Variants in CUX2 observed in about 807,000 individuals in gnomAD.
CUX2 encodes the protein cut like homeobox 2, also known as homeobox protein cut-like 2.
CUX2 carries 40 observed loss-of-function variants against 144.8 expected under a neutral mutation model. That is an observed-to-expected ratio of 0.28 (90% CI 0.21 to 0.36). The LOEUF (loss-of-function observed/expected upper bound fraction) is 0.36, where lower values mean the gene tolerates loss of function less well. Ranked by LOEUF, CUX2 falls within the 10% of genes least tolerant of loss-of-function variation. CUX2 has a pLI of 1.00. For missense variants in CUX2, 1,615 were observed against 1,994.0 expected (o/e 0.81, Z 3.62); for synonymous variants, 827 against 875.6 (o/e 0.94, Z 0.98).
chr12:111,151,278 G>A (rs770009733), intron 1 of CUX2, among the ~76,000 whole-genome samples: 7 of 152,154 alleles, frequency 4.6e-5, no homozygotes, highest in East Asian at 1.9e-4. Flanking sequence ...GTTACCATGC[G>A]CTGTTATGAA....
At chr12:111,155,184 C>T (rs1318338971) in intron 1 of CUX2, among the ~76,000 whole-genome samples, 2 of 152,206 alleles carry the variant, frequency 1.3e-5, no homozygotes, top group Non-Finnish European at 2.9e-5. Flanking sequence ...CAGCTCTGTT[C>T]CTTACTGGCT....
chr12:111,347,562 A>C lies in CUX2; in HGVS notation c.3698A>C (p.Gln1233Pro). The change falls in exon 22 of 22, where the codon CAG (glutamine) becomes CCG (proline). Residue 1233 changes from glutamine to proline, a missense_variant. By Grantham distance (76) the Gln-to-Pro change is moderately conservative. Around this residue, in one of 12 missense-constraint regions of CUX2, gnomAD observed 298 missense variants for 330.4 expected, o/e 0.90. Transcript: ENST00000261726. ...MRREMLVEGT[Q>P]DEPDLDPSGG... ...CGGGAGATGTTGGTGGAGGGGACCCAGGATGAGCCAGACCTTGATCCAAGC... is the reference window on the plus strand; with the variant it reads ...CGGGAGATGTTGGTGGAGGGGACCCCGGATGAGCCAGACCTTGATCCAAGC... The C allele has an allele frequency of 6.2e-7, 1 of 1,610,198 alleles. No individual in the cohort carries two copies. The highest frequency in any genetic ancestry group is 8.5e-7 in the Non-Finnish European group (1 of 1,178,524).
At position 111,312,161 on chromosome 12, in the gene CUX2, T is replaced by C. The variant is rs1285862216; in HGVS notation, c.1962T>C (p.Ile654=). The C allele has an allele frequency of 1.2e-6, 2 of 1,611,768 alleles. No individual in the cohort carries two copies. The highest frequency in any genetic ancestry group is 8.5e-7 in the Non-Finnish European group (1 of 1,178,524). The change falls in exon 16 of 22, where the codon ATT becomes ATC. Residue 654 remains isoleucine (I), a synonymous_variant. Coordinates refer to ENST00000261726, the MANE Select transcript of CUX2 (RefSeq NM_015267.4). This position sits in a 1 kb window ranked among gnomAD's most constrained non-coding sequence, Gnocchi z 4.3. ...GCTCAGACGACGCCATCAAGAGCAT[T>C]CTAGAGCAGGCCAAGAAGGAGATCG... ...ETGSDDAIKS[I]LEQAKKEIES...
intron 1 of CUX2, among the ~76,000 whole-genome samples, chr12:111,062,686 T>C (rs1461225201): frequency 6.6e-6 from 1 of 152,192 alleles, no homozygotes; most frequent in African/African-American, 2.4e-5. Flanking sequence ...ATATTTGAAG[T>C]TGCAAGCCCA....
rs987237123 is a variant in CUX2 at position 111,160,436 on chromosome 12, G to C, written c.64-53764G>C. On this transcript the variant is annotated intron_variant, in intron 1 of 21. Transcript: ENST00000261726. This position sits in a 1 kb window ranked among gnomAD's most constrained non-coding sequence, Gnocchi z 4.1. Reference sequence around the variant, plus strand: ...TGTGTGTAGTGCAGGGTGTGTGTGAGTGTGTCTGAGCCTTCATCTCTGTGC... The same window carrying C: ...TGTGTGTAGTGCAGGGTGTGTGTGACTGTGTCTGAGCCTTCATCTCTGTGC... Among the ~76,000 whole-genome samples, 2 of 152,156 alleles carry C rather than the reference G, an allele frequency of 1.3e-5. No homozygotes were observed. Among genetic ancestry groups the C allele is most frequent in the African/African-American group, 2.4e-5 (1 of 41,414 alleles).
chr12:111,280,346 T>C (rs1209189824), intron 4 of CUX2, among the ~76,000 whole-genome samples: 1 of 152,098 alleles, frequency 6.6e-6, no homozygotes, highest in Non-Finnish European at 1.5e-5. Flanking sequence ...CAACGAAGGC[T>C]GAGATCGAAG....
At chr12:111,048,641 T>C (rs1870114456) in intron 1 of CUX2, among the ~76,000 whole-genome samples, 1 of 152,064 alleles carries the variant, frequency 6.6e-6, no homozygotes, top group South Asian at 2.1e-4. Context: ...GTGGTCTCTG[T>C]GGGCATTATT....
In CUX2 at chr12:111,312,173, CAAG is replaced by C. The variant is rs1886940618; in HGVS notation, c.1978_1980del (p.Lys660del). On this transcript the variant is annotated inframe_deletion, in exon 16 of 22. Transcript: ENST00000261726. This position sits in a 1 kb window ranked among gnomAD's most constrained non-coding sequence, Gnocchi z 4.3. Reference sequence around the variant, plus strand: ...CCATCAAGAGCATTCTAGAGCAGGCCAAGAAGGAGATCGAGTCGCAGAAGGGCG... The same window carrying C: ...CCATCAAGAGCATTCTAGAGCAGGCCAAGGAGATCGAGTCGCAGAAGGGCG... 1 of 1,611,062 alleles carries C rather than the reference CAAG, an allele frequency of 6.2e-7. No homozygotes were observed. The highest frequency in any genetic ancestry group is 8.5e-7 in the Non-Finnish European group (1 of 1,177,916).
chr12:111,190,694 G>A lies in CUX2; in HGVS notation c.64-23506G>A, dbSNP rs965681278. ...AGGTGGTTGGTCCCAGATGCGAGGA[G>A]CAAAGGCAAAAGAGAGGCAGGTGGG... On this transcript the variant is annotated intron_variant, in intron 1 of 21. Transcript: ENST00000261726. The surrounding 1 kb of genome is among the most constrained non-coding windows in gnomAD (Gnocchi z 4.0). Among the ~76,000 whole-genome samples, 2 of 152,244 alleles carry A rather than the reference G, an allele frequency of 1.3e-5. No homozygotes were observed. Among genetic ancestry groups the A allele is most frequent in the African/African-American group, 4.8e-5 (2 of 41,462 alleles).
chr12:111,350,337 T>C lies in CUX2; in HGVS notation c.*2012T>C, dbSNP rs897606316. On this transcript the variant is annotated 3_prime_UTR_variant, in exon 22 of 22. Coordinates refer to ENST00000261726, the MANE Select transcript of CUX2 (RefSeq NM_015267.4). ...TGGCTTTAGTGTGACGGGATTTGAT[T>C]AAGCACTTAGTATAGTCTTTTGAAC... is the stretch of plus-strand genomic sequence containing the variant. 2 of 152,570 alleles carry C rather than the reference T, an allele frequency of 1.3e-5. No homozygotes were observed. The allele number at this position is 152,570 out of a possible 1,614,324, so 9.5% of individuals were successfully genotyped here.
At chr12:111,299,067 G>A (rs542589135) in intron 9 of CUX2, among the ~76,000 whole-genome samples, 108 of 152,340 alleles carry the variant, frequency 7.1e-4, no homozygotes, top group Non-Finnish European at 3.2e-4. Context: ...CACAGCCAGG[G>A]GGCTCCAGCC....
At chr12:111,163,036 ACT>A (rs760682924) in intron 1 of CUX2, among the ~76,000 whole-genome samples, 15 of 143,930 alleles carry the variant, frequency 1.0e-4, no homozygotes, top group Non-Finnish European at 1.5e-4. Context: ...ACAGAGCAAG[ACT>A]CTGTCTCAAA....
At chr12:111,202,945 A>G (rs563114470) in intron 1 of CUX2, among the ~76,000 whole-genome samples, 1 of 152,244 alleles carries the variant, frequency 6.6e-6, no homozygotes, top group African/African-American at 2.4e-5. Flanking sequence ...TCAAGAATCA[A>G]TAAGGGCTGG....
At chr12:111,107,495 G>A (rs1022946998) in intron 1 of CUX2, among the ~76,000 whole-genome samples, 11 of 152,252 alleles carry the variant, frequency 7.2e-5, no homozygotes, top group Non-Finnish European at 1.6e-4. Context: ...GGAGTTCCGG[G>A]AGCTGCAGGT....
At chr12:111,095,809 C>A (rs1400209397) in intron 1 of CUX2, among the ~76,000 whole-genome samples, 2 of 152,350 alleles carry the variant, frequency 1.3e-5, no homozygotes, top group Non-Finnish European at 2.9e-5. Context: ...CTCACAGCCT[C>A]CATTTTGTCT....
chr12:111,133,498 CTCATGAGAGTTACTA>C (rs1279338930), intron 1 of CUX2, among the ~76,000 whole-genome samples: 2 of 152,154 alleles, frequency 1.3e-5, no homozygotes, highest in Admixed American at 1.3e-4. Flanking sequence ...CTCATCAGAT[CTCATGAGAGTTACTA>C]TCATGAGAAC....
intron 18 of CUX2, among the ~76,000 whole-genome samples, chr12:111,330,726 T>TACAC (rs1565926275): frequency 5.4e-5 from 3 of 55,856 alleles, no homozygotes; most frequent in Admixed American, 1.7e-4. Context: ...TATATATATA[T>TACAC]ATATATATAT....
Position 111,318,252 on chromosome 12 carries a change from T to C in CUX2, c.2003-1760T>C, listed in dbSNP as rs868363765. On this transcript the variant is annotated intron_variant, in intron 16 of 21. Coordinates refer to ENST00000261726, the MANE Select transcript of CUX2 (RefSeq NM_015267.4). ...AATTTTTTTTTCTTTTTTCTTTTTT[T>C]TTTTTTTTTCACTTTTTTGTAGAGT... Among the ~76,000 whole-genome samples, 74 of 148,560 alleles carry C rather than the reference T, an allele frequency of 5.0e-4. 1 individual carries two copies. In the Middle Eastern group the frequency reaches 0.017, roughly 34 times the overall value.
intron 3 of CUX2, among the ~76,000 whole-genome samples, chr12:111,231,499 G>C (rs1739539503): frequency 6.6e-6 from 1 of 152,222 alleles, no homozygotes; most frequent in South Asian, 2.1e-4. Flanking sequence ...GCTGACCCCA[G>C]TAAACTACCA....
Sources: gnomAD v4.1 joint callset for allele counts (sites outside exome capture counted in the v4.1 genomes callset) on GRCh38, gnomAD v4.1.1 for gene constraint, gnomAD v4.1.1 regional missense constraint, Gnocchi (gnomAD v3.1) non-coding constraint, MANE v1.5 for transcripts, NCBI Gene and HGNC (gene_info 2026-07-23, HGNC 2026-07-21) for gene names.